Variants in PRKN observed in about 807,000 individuals in gnomAD.
PRKN encodes the protein parkin RBR E3 ubiquitin protein ligase.
Under a neutral mutation model 59.5 loss-of-function variants are expected in PRKN, and 56 were observed. That is an observed-to-expected ratio of 0.94 (90% CI 0.76 to 1.18). The LOEUF is 1.18. PRKN is among the 50% of genes most tolerant of loss of function. The pLI is 0.00. For synonymous variants in PRKN, 250 were observed against 222.1 expected, an observed-to-expected ratio of 1.13 and a Z score of -1.12; for missense variants, 657 against 596.4, an observed-to-expected ratio of 1.10 and a Z score of -1.06.
chr6:162,471,482 C>T (rs865817282), intron 1 of PRKN, among the ~76,000 whole-genome samples: 7 of 152,132 alleles, frequency 4.6e-5, no homozygotes, highest in Non-Finnish European at 7.4e-5. Flanking sequence ...CCTTTATTCC[C>T]GCTATATGTT....
intron 2 of PRKN, among the ~76,000 whole-genome samples, chr6:162,289,417 T>A (rs1781329697): frequency 6.6e-6 from 1 of 152,042 alleles, no homozygotes; most frequent in Admixed American, 6.6e-5. Flanking sequence ...TGTTTTTTTT[T>A]AGCCAGGCAT....
chr6:161,426,367 G>A lies in PRKN; in HGVS notation c.1084-39490C>T, dbSNP rs552585457. 5.8e-4 allele frequency among the ~76,000 whole-genome samples: 88 copies of A among 152,224 alleles called. No individual in the cohort carries two copies. In the South Asian group the frequency reaches 0.013, roughly 22 times the overall value. ...TTAACATTTGAGTCAGTGGGCTGGG[G>A]AAGGCAGACCCACCCTTAATCTGAG... On this transcript the variant is annotated intron_variant, in intron 9 of 11. Coordinates refer to ENST00000366898, the MANE Select transcript of PRKN (RefSeq NM_004562.3).
intron 1 of PRKN, among the ~76,000 whole-genome samples, chr6:162,619,888 C>T (rs958943992): frequency 5.3e-5 from 8 of 152,114 alleles, no homozygotes; most frequent in Non-Finnish European, 7.3e-5. Flanking sequence ...CCATTTTATA[C>T]ATATTCTACA....
At position 161,544,102 on chromosome 6, in the gene PRKN, T is replaced by C. The variant is rs1182942068; in HGVS notation, c.1083+4752A>G. ...TACATTCTCTGCTGCGTTCTATCTA[T>C]GTAAAAATATTCTGTGCTGAGTCAA... On this transcript the variant is annotated intron_variant, in intron 9 of 11. Transcript: ENST00000366898. This position sits in a 1 kb window ranked among gnomAD's most constrained non-coding sequence, Gnocchi z 5.5. Among the ~76,000 whole-genome samples the C allele has an allele frequency of 6.6e-6, 1 of 152,244 alleles. No individual in the cohort carries two copies. The highest frequency in any genetic ancestry group is 1.5e-5 in the Non-Finnish European group (1 of 68,046).
intron 3 of PRKN, among the ~76,000 whole-genome samples, chr6:162,207,789 T>C (rs910590166): frequency 3.3e-5 from 5 of 152,230 alleles, no homozygotes; most frequent in African/African-American, 1.2e-4. Context: ...CTATTTCATA[T>C]GCTCCAAATG....
intron 2 of PRKN, among the ~76,000 whole-genome samples, chr6:162,371,071 A>G (rs1785738378): frequency 6.6e-6 from 1 of 152,242 alleles, no homozygotes; most frequent in African/African-American, 2.4e-5. Flanking sequence ...ACAGAAGGCC[A>G]TCGTGGGAAG....
intron 5 of PRKN, among the ~76,000 whole-genome samples, chr6:161,990,701 A>G (rs999844598): frequency 2.0e-5 from 3 of 152,168 alleles, no homozygotes; most frequent in Non-Finnish European, 4.4e-5. Flanking sequence ...GAAATAACCC[A>G]GTTAAAAAAT....
Position 161,483,206 on chromosome 6 carries a change from G to A in PRKN, c.1083+65648C>T, listed in dbSNP as rs1414581570. Among the ~76,000 whole-genome samples the A allele has an allele frequency of 6.6e-6, 1 of 150,710 alleles. No individual in the cohort carries two copies. Among genetic ancestry groups the A allele is most frequent in the Non-Finnish European group, 1.5e-5 (1 of 67,812 alleles). On this transcript the variant is annotated intron_variant, in intron 9 of 11. Transcript: ENST00000366898. This position sits in a 1 kb window ranked among gnomAD's most constrained non-coding sequence, Gnocchi z 5.0. The stretch of plus-strand genomic sequence containing the variant: ...AAAAAAAAAAACATGCATTGTTAAT[G>A]AGACTTCGCCAGAGATGCTTAGAGT...
At chr6:162,554,671 CA>C (rs1338350085) in intron 1 of PRKN, among the ~76,000 whole-genome samples, 4 of 152,078 alleles carry the variant, frequency 2.6e-5, no homozygotes, top group African/African-American at 4.8e-5. Context: ...GCATGAAGAT[CA>C]GGGGCTTTTA....
intron 7 of PRKN, among the ~76,000 whole-genome samples, chr6:161,679,375 ACTGAGCTAGG>A (rs1224039861): frequency 1.3e-5 from 2 of 152,226 alleles, no homozygotes; most frequent in Admixed American, 1.3e-4. Flanking sequence ...GCTTCAGGCC[ACTGAGCTAGG>A]CTGGAAACAC....
chr6:162,358,999 G>A (rs905894870), intron 2 of PRKN, among the ~76,000 whole-genome samples: 8 of 146,324 alleles, frequency 5.5e-5, no homozygotes, highest in Non-Finnish European at 1.2e-4. Flanking sequence ...GGTGGAGGTT[G>A]CAGTGAGCCG....
intron 2 of PRKN, among the ~76,000 whole-genome samples, chr6:162,352,106 G>A (rs939801705): frequency 5.3e-5 from 8 of 152,048 alleles, no homozygotes; most frequent in African/African-American, 1.5e-4. Flanking sequence ...TATTGACAGC[G>A]GGGTTCAAAA....
chr6:162,251,296 A>T (rs1292432943), intron 3 of PRKN, among the ~76,000 whole-genome samples: 1 of 152,212 alleles, frequency 6.6e-6, no homozygotes. Flanking sequence ...GGAAAACACT[A>T]GTACATGAAG....
intron 5 of PRKN, among the ~76,000 whole-genome samples, chr6:162,034,779 T>C (rs1302390016): frequency 1.3e-5 from 2 of 152,196 alleles, no homozygotes; most frequent in East Asian, 1.9e-4. Context: ...AGACTCTAAC[T>C]TTTTCAGTCA....
At chr6:161,753,039 A>G (rs1788760548) in intron 7 of PRKN, among the ~76,000 whole-genome samples, 1 of 152,208 alleles carries the variant, frequency 6.6e-6, no homozygotes. Flanking sequence ...ATCAAGACCG[A>G]CTTGGAAACA....
chr6:162,553,800 TCA>T, intron 1 of PRKN, among the ~76,000 whole-genome samples: 1 of 39,130 alleles, frequency 2.6e-5, no homozygotes, highest in Admixed American at 5.3e-4. Flanking sequence ...AGAATCCATC[TCA>T]AAAAAAAAAA....
At chr6:162,281,835 C>G (rs1167106772) in intron 2 of PRKN, among the ~76,000 whole-genome samples, 1 of 152,066 alleles carries the variant, frequency 6.6e-6, no homozygotes, top group East Asian at 1.9e-4. Flanking sequence ...TTTTTGGCAC[C>G]AGGGAGTGGT....
Position 161,965,877 on chromosome 6 carries a change from T to C in PRKN, c.734+7425A>G, listed in dbSNP as rs75014235. Among the ~76,000 whole-genome samples the C allele has an allele frequency of 7.1e-3, 1,073 of 152,188 alleles. 25 individuals are homozygous for C. The highest frequency in any genetic ancestry group is 0.025 in the African/African-American group (1,020 of 41,432). The stretch of plus-strand genomic sequence containing the variant: ...AGACCAAGGTTCTTCTGAGGTCTTA[T>C]AATGGCTACCCTTAGAGACAATAGA... On this transcript the variant is annotated intron_variant, in intron 6 of 11. Coordinates refer to ENST00000366898, the MANE Select transcript of PRKN (RefSeq NM_004562.3).
chr6:161,993,778 C>T (rs930519842), intron 5 of PRKN, among the ~76,000 whole-genome samples: 2 of 152,148 alleles, frequency 1.3e-5, no homozygotes, highest in African/African-American at 4.8e-5. Context: ...AAGCACTGAG[C>T]CAGCACCTGC....
Sources: allele counts gnomAD v4.1 joint callset (sites outside exome capture counted in the v4.1 genomes callset), GRCh38; gene constraint gnomAD v4.1.1; non-coding constraint Gnocchi (gnomAD v3.1); transcripts MANE v1.5; gene names NCBI Gene and HGNC (gene_info 2026-07-23, HGNC 2026-07-21).